The following DIP2A variants were observed in gnomAD, a reference collection of about 807,000 sequenced individuals.
The protein encoded by DIP2A is DIP2 acetate--CoA ligase A.
A neutral mutation model predicts 177.4 loss-of-function variants in DIP2A; 85 were observed. The ratio of observed to expected loss-of-function variants is 0.48; its 90% CI spans 0.40 to 0.57. The LOEUF is 0.57. Among genes scored for constraint, DIP2A ranks in the 20% least tolerant of loss-of-function variants. The pLI, the probability that DIP2A is intolerant of heterozygous loss-of-function variation, is 0.00. For synonymous variants in DIP2A, 886 were observed against 881.8 expected, an observed-to-expected ratio of 1.00 and a Z score of -0.08; for missense variants, 1,791 against 2,100.2, an observed-to-expected ratio of 0.85 and a Z score of 2.88.
rs759275424 is a variant in DIP2A at position 46,549,833 on chromosome 21, G to T, written c.2585G>T (p.Arg862Leu). ...CGGATTGTCCTGGTGGCTGAGCAGC[G>T]GCCGGATGCCTCGGAGGAGGACAGC... ...DDRIVLVAEQ[R>L]PDASEEDSFQ... Residue 862 changes from arginine (R) to leucine (L), a missense_variant, in exon 22 of 38, where the codon CGG (arginine) becomes CTG (leucine). Arg to Leu is a moderately radical substitution (Grantham distance 102). Coordinates refer to ENST00000417564, the MANE Select transcript of DIP2A (RefSeq NM_015151.4). The T allele has an allele frequency of 1.2e-6, 2 of 1,613,320 alleles. No homozygotes were observed. The highest frequency in any genetic ancestry group is 1.7e-5 in the Admixed American group (1 of 60,026).
chr21:46,548,045 G>T (rs1409408370), intron 21 of DIP2A, among the ~76,000 whole-genome samples: 2 of 152,126 alleles, frequency 1.3e-5, no homozygotes, highest in African/African-American at 4.8e-5. Context: ...AGCCCTTAAA[G>T]CAATCGTGAG....
intron 27 of DIP2A, 24 bp downstream of exon 27, chr21:46,554,720 C>G: frequency 6.4e-7 from 1 of 1,555,124 alleles, no homozygotes; most frequent in African/African-American, 1.4e-5. Context: ...GCCCGCGGGT[C>G]AGAGTCTGTG....
At chr21:46,478,265 T>A (rs1273615363) in intron 1 of DIP2A, among the ~76,000 whole-genome samples, 1 of 151,640 alleles carries the variant, frequency 6.6e-6, no homozygotes, top group Non-Finnish European at 1.5e-5. Context: ...CAGGCTGGAG[T>A]GCAATGGCGC....
intron 1 of DIP2A, among the ~76,000 whole-genome samples, chr21:46,481,628 A>G (rs1172980218): frequency 6.6e-6 from 1 of 152,238 alleles, no homozygotes; most frequent in Non-Finnish European, 1.5e-5. Flanking sequence ...TGACATTGTC[A>G]GTATTTTTAA....
chr21:46,485,753 G>A (rs1460963866), intron 2 of DIP2A, among the ~76,000 whole-genome samples: 3 of 152,070 alleles, frequency 2.0e-5, no homozygotes, highest in Non-Finnish European at 4.4e-5. Flanking sequence ...CAGAGTGTGA[G>A]AAGATAGTTG....
At chr21:46,549,728 T>C (rs373322734) in intron 21 of DIP2A, 43 bp from the exon 22 acceptor site, 4 of 1,608,994 alleles carry the variant, frequency 2.5e-6, no homozygotes, top group African/African-American at 1.3e-5. Context: ...TGTGTCTTGT[T>C]TGGCCTCTTG....
In DIP2A at chr21:46,496,999, G is replaced by C; in HGVS notation, c.295G>C (p.Glu99Gln). Residue 99 changes from glutamate (E) to glutamine (Q), a missense_variant, in exon 4 of 38, where the codon GAA (glutamate) becomes CAA (glutamine). Coordinates refer to ENST00000417564, the MANE Select transcript of DIP2A (RefSeq NM_015151.4). Reference protein sequence around the residue: ...DERFRSDVHTEAVQAALAKYK... With the variant: ...DERFRSDVHTQAVQAALAKYK... ...TCCTTCCTGTGTAGATGTCCACACT[G>C]AAGCCGTGCAAGCAGCTTTGGCCAA... 3.7e-6 allele frequency: 6 copies of C among 1,602,154 alleles called. No individual in the cohort carries two copies. Among genetic ancestry groups the C allele is most frequent in the Non-Finnish European group, 5.1e-6 (6 of 1,174,810 alleles).
intron 25 of DIP2A, chr21:46,553,918 C>T (rs1460340224): frequency 3.4e-5 from 11 of 323,792 alleles, no homozygotes; most frequent in African/African-American, 9.4e-5. Flanking sequence ...AATCCCAGCA[C>T]TTTGAGAGGC....
intron 1 of DIP2A, among the ~76,000 whole-genome samples, chr21:46,477,543 T>TGTGTGTGTGTGTGTGTG (rs2055964791): frequency 1.8e-4 from 16 of 87,094 alleles, no homozygotes; most frequent in African/African-American, 3.5e-4. Flanking sequence ...AAAAAAAGAT[T>TGTGTGTGTGTGTGTGTG]TGTGTGTGTG....
intron 2 of DIP2A, among the ~76,000 whole-genome samples, chr21:46,485,505 T>C (rs1405494204): frequency 6.6e-6 from 1 of 152,126 alleles, no homozygotes; most frequent in Non-Finnish European, 1.5e-5. Context: ...ATGAAACACA[T>C]GACATTGGAG....
Position 46,567,357 on chromosome 21 carries a change from C to G in DIP2A, c.4464-13C>G. The G allele has an allele frequency of 6.2e-7, 1 of 1,608,146 alleles. No individual in the cohort carries two copies. Among genetic ancestry groups the G allele is most frequent in the Non-Finnish European group, 8.5e-7 (1 of 1,176,320 alleles). The stretch of plus-strand genomic sequence containing the variant: ...CCTGTATCCATGTGACCCAGTCTGT[C>G]TTCTCTCTGCAGTGCCGTATTCACC... On this transcript the variant is annotated splice_polypyrimidine_tract_variant and intron_variant, in intron 37 of 37. Coordinates refer to ENST00000417564, the MANE Select transcript of DIP2A (RefSeq NM_015151.4).
intron 6 of DIP2A, among the ~76,000 whole-genome samples, chr21:46,506,724 TTTTC>T (rs1555887429): frequency 0.056 from 4,370 of 78,412 alleles, 131 homozygotes; most frequent in Admixed American, 0.1. Context: ...TTGTGCTTGT[TTTTC>T]TTTCTTTCTT....
downstream of DIP2A, among the ~76,000 whole-genome samples, chr21:46,573,255 T>G (rs1180729024): frequency 1.3e-5 from 2 of 151,956 alleles, no homozygotes; most frequent in African/African-American, 4.8e-5. Context: ...GTAAATAGAT[T>G]AAATGGACAG....
At chr21:46,484,077 A>G (rs2056532058) in intron 1 of DIP2A, among the ~76,000 whole-genome samples, 1 of 152,104 alleles carries the variant, frequency 6.6e-6, no homozygotes, top group African/African-American at 2.4e-5. Context: ...TCCTTTCCCA[A>G]GGACACCCCT....
chr21:46,540,123 C>A, intron 17 of DIP2A, 132 bp downstream of exon 17: 1 of 710,162 alleles, frequency 1.4e-6, no homozygotes, highest in Non-Finnish European at 2.4e-6. Flanking sequence ...GGTGCCTGGC[C>A]CCCCACATTT....
Position 46,554,622 on chromosome 21 carries a change from G to T in DIP2A, c.3202G>T (p.Val1068Leu). The T allele has an allele frequency of 6.2e-7, 1 of 1,608,142 alleles. No individual in the cohort carries two copies. Among genetic ancestry groups the T allele is most frequent in the Non-Finnish European group, 8.5e-7 (1 of 1,177,524 alleles). Reference protein sequence around the residue: ...AFYGCLYCGCVPVTVRPPHPQ... With the variant: ...AFYGCLYCGCLPVTVRPPHPQ... The stretch of plus-strand genomic sequence containing the variant: ...CTATGGCTGCTTGTACTGTGGCTGC[G>T]TGCCTGTCACCGTGCGGCCCCCGCA... Residue 1068 changes from valine (V) to leucine (L), a missense_variant, in exon 27 of 38, where the codon GTG (valine) becomes TTG (leucine). Coordinates refer to ENST00000417564, the MANE Select transcript of DIP2A (RefSeq NM_015151.4).
chr21:46,527,039 C>A (rs1188762436), intron 8 of DIP2A, among the ~76,000 whole-genome samples: 1 of 149,194 alleles, frequency 6.7e-6, no homozygotes, highest in Non-Finnish European at 1.5e-5. Context: ...AGAAGAATTT[C>A]AAAAATCATT....
intron 8 of DIP2A, among the ~76,000 whole-genome samples, chr21:46,514,471 T>C (rs1946411496): frequency 6.6e-6 from 1 of 152,004 alleles, no homozygotes; most frequent in Admixed American, 6.6e-5. Context: ...TATCCAGTTA[T>C]CTCACTAAGT....
intron 25 of DIP2A, among the ~76,000 whole-genome samples, chr21:46,552,406 T>C (rs996916186): frequency 6.6e-6 from 1 of 152,212 alleles, no homozygotes; most frequent in African/African-American, 2.4e-5. Flanking sequence ...TGCATTCCAC[T>C]GTGCTAGGAA....
Sources: allele counts gnomAD v4.1 joint callset (sites outside exome capture counted in the v4.1 genomes callset), GRCh38; gene constraint gnomAD v4.1.1; transcripts MANE v1.5; gene names NCBI Gene and HGNC (gene_info 2026-07-23, HGNC 2026-07-21).